The following CCDC86 variants were observed in gnomAD, a reference collection of about 807,000 sequenced individuals.
The protein encoded by CCDC86 is coiled-coil domain containing 86, also known as coiled-coil domain-containing protein 86.
Under a neutral mutation model 36.7 loss-of-function variants are expected in CCDC86, and 28 were observed. The observed-to-expected ratio is 0.76, with a 90% CI of 0.57 to 1.05. CCDC86 has a LOEUF of 1.05. Ranked by LOEUF, CCDC86 falls within the 50% of genes least tolerant of loss-of-function variation. The pLI, the probability that CCDC86 is intolerant of heterozygous loss-of-function variation, is 0.00. For synonymous variants in CCDC86, 199 were observed against 203.4 expected (o/e 0.98, Z 0.18); for missense variants, 453 against 470.2 (o/e 0.96, Z 0.34).
chr11:60,850,076 C>T (rs1230098078), intron 3 of CCDC86, 62 bp downstream of exon 3: 10 of 1,603,826 alleles, frequency 6.2e-6, no homozygotes, highest in East Asian at 2.2e-5. Flanking sequence ...ACCAGGGCCT[C>T]GACCCCTGCC....
At chr11:60,849,750 C>T (rs762872442) in intron 2 of CCDC86, among the ~76,000 whole-genome samples, 190 bp from the exon 3 acceptor site, 1 of 152,224 alleles carries the variant, frequency 6.6e-6, no homozygotes, top group Non-Finnish European at 1.5e-5. Flanking sequence ...TCCACCACAG[C>T]AGGCCCCTGG....
chr11:60,846,724 G>A (rs1488742470), intron 1 of CCDC86, among the ~76,000 whole-genome samples: 1 of 151,710 alleles, frequency 6.6e-6, no homozygotes, highest in African/African-American at 2.4e-5. Context: ...ACAGGTGTGT[G>A]CCACCACACC....
intron 1 of CCDC86, among the ~76,000 whole-genome samples, chr11:60,846,081 G>A (rs1855179354): frequency 6.6e-6 from 1 of 152,240 alleles, no homozygotes; most frequent in South Asian, 2.1e-4. Flanking sequence ...AATGTGGAAT[G>A]TTTCCACCAT....
Position 60,842,448 on chromosome 11 carries a change from G to A in CCDC86, c.324G>A (p.Glu108=), listed in dbSNP as rs749028896. 6.2e-7 allele frequency: 1 copy of A among 1,614,066 alleles called. No homozygotes were observed. The highest frequency in any genetic ancestry group is 8.5e-7 in the Non-Finnish European group (1 of 1,180,030). Residue 108 remains glutamate (E), a synonymous_variant, in exon 1 of 4, where the codon GAG becomes GAA. Transcript: ENST00000227520. ...TGGAGTCGCCTCAAAGACAGCCAGA[G>A]TACAGTCCTGAATCCCCACGATGTC... ...LHLESPQRQP[E]YSPESPRCQP... is the part of the protein sequence containing the mutation.
At chr11:60,843,008 C>G in intron 1 of CCDC86, 126 bp downstream of exon 1, 2 of 1,252,756 alleles carry the variant, frequency 1.6e-6, no homozygotes, top group Non-Finnish European at 2.1e-6. Flanking sequence ...GGGATGTTAG[C>G]AAACAGGTAA....
At chr11:60,842,934 C>T in intron 1 of CCDC86, 52 bp downstream of exon 1, 12 of 1,515,646 alleles carry the variant, frequency 7.9e-6, no homozygotes, top group African/African-American at 1.4e-5. Context: ...GGTGTTGGGA[C>T]CCCGCCTTTG....
In CCDC86 at chr11:60,842,570, C is replaced by G. The variant is rs777746089; in HGVS notation, c.446C>G (p.Ala149Gly). ...AQNKEELTPG[A>G]PQHQLPPVPG... is the part of the protein sequence containing the mutation. ...AATAAGGAGGAGCTGACCCCGGGGG[C>G]CCCCCAGCATCAGCTACCGCCGGTC... Residue 149 changes from alanine to glycine, a missense_variant, in exon 1 of 4, where the codon GCC becomes GGC. Ala to Gly is a moderately conservative substitution (Grantham distance 60, BLOSUM62 0). Transcript: ENST00000227520. 173 of 1,612,708 alleles carry G rather than the reference C, an allele frequency of 1.1e-4. No individual in the cohort carries two copies. Among genetic ancestry groups the G allele is most frequent in the Non-Finnish European group, 1.3e-4 (158 of 1,179,510 alleles).
chr11:60,847,447 C>T (rs1855199509), intron 1 of CCDC86: 1 of 152,914 alleles, frequency 6.5e-6, no homozygotes, highest in African/African-American at 2.4e-5. Flanking sequence ...GAACTTTAAC[C>T]ACTCACACTG....
intron 2 of CCDC86, 49 bp from the exon 3 acceptor site, chr11:60,849,891 G>A: frequency 1.3e-6 from 2 of 1,518,614 alleles, no homozygotes; most frequent in Non-Finnish European, 1.8e-6. Context: ...TGAGAGACCA[G>A]GGCTGCCTCT....
intron 1 of CCDC86, among the ~76,000 whole-genome samples, chr11:60,844,053 G>T (rs367724046): frequency 6.6e-6 from 1 of 152,196 alleles, no homozygotes; most frequent in South Asian, 2.1e-4. Flanking sequence ...TGGCAGGGCC[G>T]TTGATGGCCA....
chr11:60,847,445 A>T (rs1855199464), intron 1 of CCDC86: 1 of 152,592 alleles, frequency 6.6e-6, no homozygotes, highest in East Asian at 1.9e-4. Context: ...CAGAACTTTA[A>T]CCACTCACAC....
rs1855132028 is a variant in CCDC86 at position 60,842,491 on chromosome 11, G to GA, written c.368dup (p.Ala124GlyfsTer19). 1.2e-6 allele frequency: 2 copies of GA among 1,613,764 alleles called. No individual in the cohort carries two copies. Among genetic ancestry groups the GA allele is most frequent in the Non-Finnish European group, 8.5e-7 (1 of 1,179,878 alleles). On this transcript the variant is annotated frameshift_variant, in exon 1 of 4. Coordinates refer to ENST00000227520, the MANE Select transcript of CCDC86 (RefSeq NM_024098.4). LOFTEE classifies it high-confidence loss of function. The stretch of plus-strand genomic sequence containing the variant: ...ACGATGTCAGCCGAAGCCAAGTGAG[G>GA]AGGCACCAAAGTGTTCTCAGGACCA...
At position 60,842,691 on chromosome 11, in the gene CCDC86, C is replaced by G. The variant is rs375046304; in HGVS notation, c.567C>G (p.Pro189=). Residue 189 remains proline (P), a synonymous_variant, in exon 1 of 4, where the codon CCC becomes CCG. Coordinates refer to ENST00000227520, the MANE Select transcript of CCDC86 (RefSeq NM_024098.4). ...LELTPRAPGS[P]RGQHEPSKPP... ...TGACACCCAGGGCACCTGGCTCCCC[C>G]CGGGGTCAGCATGAGCCGAGCAAGC... The G allele has an allele frequency of 1.9e-6, 3 of 1,613,924 alleles. No individual in the cohort carries two copies. The highest frequency in any genetic ancestry group is 2.5e-6 in the Non-Finnish European group (3 of 1,179,962).
At position 60,842,607 on chromosome 11, in the gene CCDC86, A is replaced by C. The variant is rs759684126; in HGVS notation, c.483A>C (p.Pro161=). The C allele has an allele frequency of 1.9e-6, 3 of 1,613,586 alleles. No individual in the cohort carries two copies. The highest frequency in any genetic ancestry group is 4.5e-5 in the East Asian group (2 of 44,854). ...AGCTACCGCCGGTCCCAGGATCACCAGAGCCTTACCCCGGTCAGCAAGCTC... is the reference window on the plus strand; with the variant it reads ...AGCTACCGCCGGTCCCAGGATCACCCGAGCCTTACCCCGGTCAGCAAGCTC... ...QHQLPPVPGS[P]EPYPGQQAPG... Residue 161 remains proline (P), a synonymous_variant, in exon 1 of 4, where the codon CCA becomes CCC. Coordinates refer to ENST00000227520, the MANE Select transcript of CCDC86 (RefSeq NM_024098.4).
At chr11:60,847,898 G>T (rs201185952) in intron 1 of CCDC86, 26 bp from the exon 2 acceptor site, 2 of 1,601,592 alleles carry the variant, frequency 1.2e-6, no homozygotes, top group African/African-American at 2.7e-5. Flanking sequence ...CACAGACCCT[G>T]TATGCACCCA....
intron 1 of CCDC86, among the ~76,000 whole-genome samples, chr11:60,844,648 ACTT>A (rs766681409): frequency 6.6e-6 from 1 of 152,204 alleles, no homozygotes; most frequent in Non-Finnish European, 1.5e-5. Context: ...TGTGTGCTGT[ACTT>A]CTCTTTTGTA....
chr11:60,842,922 A>G (rs1353609227), intron 1 of CCDC86, 40 bp downstream of exon 1: 6 of 1,528,956 alleles, frequency 3.9e-6, no homozygotes, highest in East Asian at 2.3e-5. Flanking sequence ...GGCGTTCTCT[A>G]TGGTGTTGGG....
At chr11:60,845,232 T>C (rs533471946) in intron 1 of CCDC86, among the ~76,000 whole-genome samples, 1 of 152,044 alleles carries the variant, frequency 6.6e-6, no homozygotes, top group Non-Finnish European at 1.5e-5. Flanking sequence ...AGGGGAACAG[T>C]AGGAGATGAG....
At chr11:60,848,612 C>T (rs763494640) in intron 2 of CCDC86, among the ~76,000 whole-genome samples, 1 of 151,978 alleles carries the variant, frequency 6.6e-6, no homozygotes, top group Non-Finnish European at 1.5e-5. Flanking sequence ...GACTTTTAAG[C>T]GGGGGGAAGA....
Sources: allele counts gnomAD v4.1 joint callset (sites outside exome capture counted in the v4.1 genomes callset), GRCh38; gene constraint gnomAD v4.1.1; transcripts MANE v1.5; gene names NCBI Gene and HGNC (gene_info 2026-07-23, HGNC 2026-07-21).